KMT2E: variants seen among roughly 807,000 people sequenced by gnomAD.
KMT2E encodes the protein lysine methyltransferase 2E (inactive).
Under a neutral mutation model 184.6 loss-of-function variants are expected in KMT2E, and 30 were observed. The ratio of observed to expected loss-of-function variants is 0.16; its 90% CI spans 0.12 to 0.22. The LOEUF (loss-of-function observed/expected upper bound fraction) is 0.22. Among genes scored for constraint, KMT2E ranks in the 10% least tolerant of loss-of-function variants. The probability of loss-of-function intolerance (pLI) is 1.00; values close to 1 mark genes in which losing one functional copy is unlikely to be tolerated. For missense variants in KMT2E, 2,023 were observed against 2,237.4 expected (o/e 0.90, Z 1.93); for synonymous variants, 815 against 776.5 (o/e 1.05, Z -0.82).
chr7:105,066,930 G>T, intron 6 of KMT2E, 123 bp downstream of exon 6: 7 of 680,784 alleles, frequency 1.0e-5, no homozygotes, highest in East Asian at 2.8e-5. Flanking sequence ...GGTGGCTCAT[G>T]CCTGTAGTGC....
intron 1 of KMT2E, among the ~76,000 whole-genome samples, chr7:105,031,977 A>G (rs1375044231): frequency 7.1e-6 from 1 of 141,462 alleles, no homozygotes. Context: ...CTGAGGCGGG[A>G]TAGTCTCTTG....
intron 6 of KMT2E, 44 bp downstream of exon 6, chr7:105,066,851 G>A: frequency 2.4e-6 from 3 of 1,255,878 alleles, no homozygotes; most frequent in East Asian, 2.3e-5. Flanking sequence ...ATTTTACTGA[G>A]GTAATACTAG....
rs1798681640 is a variant in KMT2E at position 105,102,134 on chromosome 7, TACTGAA to T, written c.2143_2148del (p.Thr715_Glu716del). ...CTGAAACTGCACTAGCAGAAATAAT[TACTGAA>T]ACTGAAGTTCCAGCACTTAATAAAT... On this transcript the variant is annotated inframe_deletion, in exon 17 of 27. Coordinates refer to ENST00000311117, the MANE Select transcript of KMT2E (RefSeq NM_182931.3). 1 of 1,612,450 alleles carries T rather than the reference TACTGAA, an allele frequency of 6.2e-7. No homozygotes were observed. Among genetic ancestry groups the T allele is most frequent in the Non-Finnish European group, 8.5e-7 (1 of 1,179,088 alleles).
chr7:105,048,478 G>A (rs1025954658), intron 3 of KMT2E, among the ~76,000 whole-genome samples: 7 of 151,924 alleles, frequency 4.6e-5, no homozygotes, highest in Non-Finnish European at 2.9e-5. Context: ...AAAAACCTGG[G>A]TCAACATGTG....
chr7:105,106,132 C>A, intron 19 of KMT2E, 129 bp downstream of exon 19: 2 of 945,162 alleles, frequency 2.1e-6, no homozygotes, highest in Non-Finnish European at 3.1e-6. Flanking sequence ...TAGATTTTCT[C>A]TTTTCTGTCC....
At chr7:105,088,134 A>G (rs1412980902) in intron 13 of KMT2E, among the ~76,000 whole-genome samples, 1 of 152,094 alleles carries the variant, frequency 6.6e-6, no homozygotes, top group Non-Finnish European at 1.5e-5. Flanking sequence ...AGAGGTTAAG[A>G]ATGTAATCTG....
chr7:105,112,349 C>T lies in KMT2E; in HGVS notation c.4593C>T (p.Tyr1531=), dbSNP rs200367457. ...CCTCAGGACAATCTTCAGCAACATA[C>T]AGTCAGTTTAACCAACAAAGTCTGA... ...QTPSGQSSAT[Y]SQFNQQSLNS... The change falls in exon 27 of 27, where the codon TAC becomes TAT. Residue 1531 remains tyrosine (Y), a synonymous_variant. Transcript: ENST00000311117. 39 of 1,613,248 alleles carry T rather than the reference C, an allele frequency of 2.4e-5. No homozygotes were observed. Among genetic ancestry groups the T allele is most frequent in the Non-Finnish European group, 3.1e-5 (37 of 1,180,038 alleles).
chr7:105,015,712 C>A (rs932836652), intron 1 of KMT2E, among the ~76,000 whole-genome samples: 5 of 151,984 alleles, frequency 3.3e-5, no homozygotes, highest in Non-Finnish European at 7.4e-5. Context: ...CTAATCAGCT[C>A]GGGTCCTCCA....
At chr7:105,093,885 CTG>C (rs1484922512) in intron 15 of KMT2E, among the ~76,000 whole-genome samples, 1 of 152,100 alleles carries the variant, frequency 6.6e-6, no homozygotes, top group Non-Finnish European at 1.5e-5. Flanking sequence ...GGATATGAAA[CTG>C]AGTATTTTTC....
chr7:105,088,872 A>C (rs1798091660), intron 13 of KMT2E, among the ~76,000 whole-genome samples: 1 of 152,214 alleles, frequency 6.6e-6, no homozygotes, highest in Non-Finnish European at 1.5e-5. Flanking sequence ...TAGTATGGTG[A>C]AAAGGAAACA....
chr7:105,070,115 G>A (rs1020583732), intron 6 of KMT2E, among the ~76,000 whole-genome samples: 6 of 151,796 alleles, frequency 4.0e-5, no homozygotes, highest in East Asian at 1.9e-4. Context: ...TACTTTTTTG[G>A]CTATTACAAA....
chr7:105,084,428 C>T (rs1218098566), intron 13 of KMT2E, among the ~76,000 whole-genome samples: 1 of 152,058 alleles, frequency 6.6e-6, no homozygotes, highest in African/African-American at 2.4e-5. Context: ...GAGTTCAAGA[C>T]CAGCCTGGCA....
intron 11 of KMT2E, chr7:105,077,663 T>G: frequency 2.4e-6 from 1 of 417,380 alleles, no homozygotes; most frequent in Non-Finnish European, 4.3e-6. Flanking sequence ...ATGTCTGTCT[T>G]GCTGAAAATC....
At chr7:105,078,777 G>T in intron 11 of KMT2E, 69 bp from the exon 12 acceptor site, 1 of 746,054 alleles carries the variant, frequency 1.3e-6, no homozygotes, top group South Asian at 1.5e-5. Flanking sequence ...CAAAGTGCTG[G>T]AATTACAGGT....
chr7:105,080,397 T>C (rs1797715299), intron 12 of KMT2E, among the ~76,000 whole-genome samples: 1 of 151,996 alleles, frequency 6.6e-6, no homozygotes, highest in South Asian at 2.1e-4. Context: ...TTTTTTTTTT[T>C]TCCTCTCTTT....
intron 1 of KMT2E, among the ~76,000 whole-genome samples, chr7:105,031,593 A>G (rs1478201123): frequency 6.6e-6 from 1 of 151,202 alleles, no homozygotes; most frequent in African/African-American, 2.4e-5. Flanking sequence ...CTCTACTAAA[A>G]ATACAAAAAT....
At chr7:105,087,915 A>G (rs116236317) in intron 13 of KMT2E, among the ~76,000 whole-genome samples, 2,614 of 133,036 alleles carry the variant, frequency 0.02, 81 homozygotes, top group African/African-American at 0.069. Flanking sequence ...TATTCTATAT[A>G]TTTTTAAACT....
chr7:105,035,234 G>T (rs75903999), intron 1 of KMT2E, among the ~76,000 whole-genome samples: 4 of 150,510 alleles, frequency 2.7e-5, no homozygotes, highest in African/African-American at 7.3e-5. Flanking sequence ...GGGTTTCACC[G>T]TGTTAGCCAG....
At chr7:105,019,944 T>C (rs1480042628) in intron 1 of KMT2E, among the ~76,000 whole-genome samples, 1 of 151,604 alleles carries the variant, frequency 6.6e-6, no homozygotes, top group Non-Finnish European at 1.5e-5. Flanking sequence ...CCATTTCTAC[T>C]AAAAATTACA....
Sources: gnomAD v4.1 joint callset for allele counts (sites outside exome capture counted in the v4.1 genomes callset) on GRCh38, gnomAD v4.1.1 for gene constraint, MANE v1.5 for transcripts, NCBI Gene and HGNC (gene_info 2026-07-23, HGNC 2026-07-21) for gene names.